The following MAPRE3 variants were observed in gnomAD, a reference collection of about 807,000 sequenced individuals.
MAPRE3 encodes microtubule associated protein RP/EB family member 3.
A neutral mutation model predicts 30.5 loss-of-function variants in MAPRE3; 2 were observed. The observed-to-expected ratio is 0.07, with a 90% CI of 0.03 to 0.21. The LOEUF (loss-of-function observed/expected upper bound fraction) is 0.21, where lower values mean the gene tolerates loss of function less well. MAPRE3 is among the 10% of genes least tolerant of loss of function. The probability of loss-of-function intolerance (pLI) is 1.00; values close to 1 mark genes in which losing one functional copy is unlikely to be tolerated. For synonymous variants in MAPRE3, 110 were observed against 127.7 expected (o/e 0.86, Z 0.93); for missense variants, 204 against 351.8 (o/e 0.58, Z 3.36).
chr2:26,997,767 C>T (rs1412242749), intron 1 of MAPRE3, among the ~76,000 whole-genome samples: 1 of 152,170 alleles, frequency 6.6e-6, no homozygotes, highest in Admixed American at 6.5e-5. Context: ...GCTTAATCCT[C>T]AAGTGAATTA....
chr2:26,988,909 CCT>C (rs1666272058), intron 1 of MAPRE3, among the ~76,000 whole-genome samples: 2 of 152,148 alleles, frequency 1.3e-5, no homozygotes, highest in Non-Finnish European at 1.5e-5. Context: ...AAAAGTGGCC[CCT>C]GACACTCCTT....
intron 1 of MAPRE3, among the ~76,000 whole-genome samples, chr2:26,987,531 G>T (rs140795300): frequency 6.6e-6 from 1 of 152,088 alleles, no homozygotes; most frequent in Non-Finnish European, 1.5e-5. Context: ...CCAGCTACTC[G>T]GGAGGCTGAG....
rs944484025 is a variant in MAPRE3 at position 27,017,682 on chromosome 2, T to TA, written c.-7-4530_-7-4529insA. On this transcript the variant is annotated intron_variant, in intron 1 of 6. Coordinates refer to ENST00000233121, the MANE Select transcript of MAPRE3 (RefSeq NM_012326.4). ...AGATAAGTGGCAGAACATCCCAATG[T>TA]TCCAGCCTTTGCCATTGCAACAAAA... Among the ~76,000 whole-genome samples, 15 of 152,216 alleles carry TA rather than the reference T, an allele frequency of 9.9e-5. 1 individual carries two copies. The highest frequency in any genetic ancestry group is 5.9e-5 in the Non-Finnish European group (4 of 68,034).
intron 1 of MAPRE3, among the ~76,000 whole-genome samples, chr2:26,996,223 G>C (rs1666457104): frequency 6.6e-6 from 1 of 151,346 alleles, no homozygotes. Flanking sequence ...TGAGATCATA[G>C]CTCACTGCAG....
Position 27,022,127 on chromosome 2 carries a change from C to T in MAPRE3, c.-7-85C>T, listed in dbSNP as rs182480592. On this transcript the variant is annotated intron_variant, in intron 1 of 6. Transcript: ENST00000233121. ...TCTGGAGGGAATGTTTCTTACTTCC[C>T]AGTATCATACAGCCCCTCTCTCTTG... is the stretch of plus-strand genomic sequence containing the variant. 39 of 1,476,804 alleles carry T rather than the reference C, an allele frequency of 2.6e-5. No individual in the cohort carries two copies. In the East Asian group the frequency reaches 7.3e-4, roughly 28 times the overall value. The allele number at this position is 1,476,804 out of a possible 1,614,324, so 91.5% of individuals were successfully genotyped here.
At chr2:26,975,519 T>A (rs1469976616) in intron 1 of MAPRE3, among the ~76,000 whole-genome samples, 1 of 152,076 alleles carries the variant, frequency 6.6e-6, no homozygotes, top group Non-Finnish European at 1.5e-5. Flanking sequence ...CCTAGATAAA[T>A]TTCAGTAGGG....
At chr2:26,987,991 C>G (rs1666256354) in intron 1 of MAPRE3, among the ~76,000 whole-genome samples, 1 of 152,236 alleles carries the variant, frequency 6.6e-6, no homozygotes, top group African/African-American at 2.4e-5. Flanking sequence ...TTGTTGAATA[C>G]TTGCTCTAGT....
At chr2:26,995,780 G>GGTGAGTGTGT (rs1666440331) in intron 1 of MAPRE3, among the ~76,000 whole-genome samples, 2 of 109,694 alleles carry the variant, frequency 1.8e-5, no homozygotes, top group South Asian at 7.8e-4. Flanking sequence ...TTCTAAGAGA[G>GGTGAGTGTGT]GTGTGTGTGT....
At chr2:27,022,514 T>C in intron 2 of MAPRE3, 175 bp downstream of exon 2, 1 of 818,342 alleles carries the variant, frequency 1.2e-6, no homozygotes, top group Non-Finnish European at 1.9e-6. Context: ...AGAGTGTATT[T>C]ACACAAACCT....
intron 3 of MAPRE3, 187 bp downstream of exon 3, chr2:27,023,664 A>C: frequency 1.5e-6 from 1 of 646,602 alleles, no homozygotes; most frequent in Non-Finnish European, 2.7e-6. Context: ...AACACTTGCC[A>C]TGCCATCATG....
chr2:27,016,187 G>T (rs927028635), intron 1 of MAPRE3, among the ~76,000 whole-genome samples: 1 of 152,032 alleles, frequency 6.6e-6, no homozygotes, highest in Non-Finnish European at 1.5e-5. Flanking sequence ...ATCCAATCAG[G>T]GTCTGTTTCT....
At chr2:27,009,203 T>C (rs985866609) in intron 1 of MAPRE3, among the ~76,000 whole-genome samples, 13 of 152,198 alleles carry the variant, frequency 8.5e-5, no homozygotes, top group African/African-American at 2.9e-4. Context: ...ATGTAAAAAC[T>C]GATGAAATCC....
intron 1 of MAPRE3, among the ~76,000 whole-genome samples, chr2:26,981,408 A>T (rs558687169): frequency 7.2e-5 from 11 of 152,232 alleles, no homozygotes; most frequent in African/African-American, 2.6e-4. Flanking sequence ...ATGAGGAGGC[A>T]GAGGAATTAC....
intron 1 of MAPRE3, among the ~76,000 whole-genome samples, chr2:26,990,907 C>G (rs571328897): frequency 1.1e-3 from 169 of 152,324 alleles, no homozygotes; most frequent in Middle Eastern, 6.8e-3. Context: ...CTGCCTGTCA[C>G]CAGTGCCCAG....
intron 1 of MAPRE3, among the ~76,000 whole-genome samples, chr2:26,980,054 C>A (rs982335128): frequency 1.3e-5 from 2 of 151,996 alleles, no homozygotes; most frequent in African/African-American, 4.8e-5. Context: ...AAGACCAGAG[C>A]CCCAAGTAAT....
intron 1 of MAPRE3, among the ~76,000 whole-genome samples, chr2:27,006,237 C>G (rs1453964843): frequency 6.6e-6 from 1 of 152,222 alleles, no homozygotes; most frequent in South Asian, 2.1e-4. Context: ...AAGCCATTAG[C>G]TTAGCTGCTG....
chr2:27,020,990 A>G (rs1272865467), intron 1 of MAPRE3, among the ~76,000 whole-genome samples: 1 of 152,258 alleles, frequency 6.6e-6, no homozygotes, highest in Non-Finnish European at 1.5e-5. Context: ...TTCAGGAAAA[A>G]AAAAGGATTG....
chr2:27,017,739 A>G (rs1370588824), intron 1 of MAPRE3, among the ~76,000 whole-genome samples: 1 of 152,196 alleles, frequency 6.6e-6, no homozygotes, highest in Non-Finnish European at 1.5e-5. Flanking sequence ...ATGCATATCA[A>G]ATGAAGGCTG....
chr2:27,020,985 GA>G (rs201349220), intron 1 of MAPRE3, among the ~76,000 whole-genome samples: 11 of 149,858 alleles, frequency 7.3e-5, no homozygotes, highest in African/African-American at 2.0e-4. Context: ...AAATATTCAG[GA>G]AAAAAAAAGG....
Sources: allele counts gnomAD v4.1 joint callset (sites outside exome capture counted in the v4.1 genomes callset), GRCh38; gene constraint gnomAD v4.1.1; transcripts MANE v1.5; gene names NCBI Gene and HGNC (gene_info 2026-07-23, HGNC 2026-07-21).